The following EYS variants were observed in gnomAD, a reference collection of about 807,000 sequenced individuals.
EYS encodes protein eyes shut homolog.
EYS carries 250 observed loss-of-function variants against 282.1 expected under a neutral mutation model. The ratio of observed to expected loss-of-function variants is 0.89; its 90% CI spans 0.80 to 0.98. EYS has a LOEUF of 0.98. Ranked by LOEUF, EYS falls within the 50% of genes least tolerant of loss-of-function variation. EYS has a pLI of 0.00. For synonymous variants in EYS, 1,355 were observed against 1,282.9 expected (o/e 1.06, Z -1.20); for missense variants, 4,016 against 3,709.0 (o/e 1.08, Z -2.15).
chr6:64,552,825 A>G (rs1200110842), intron 26 of EYS, among the ~76,000 whole-genome samples: 4 of 151,084 alleles, frequency 2.6e-5, no homozygotes, highest in African/African-American at 9.7e-5. Context: ...AGGCTGAGAC[A>G]GGAACATCAC....
At chr6:64,498,473 T>A (rs1013597485) in intron 26 of EYS, among the ~76,000 whole-genome samples, 9 of 151,678 alleles carry the variant, frequency 5.9e-5, no homozygotes, top group Non-Finnish European at 1.3e-4. Flanking sequence ...TTTTTTTTTT[T>A]AATTTAAGTT....
chr6:64,312,444 T>G (rs980326541), intron 29 of EYS, among the ~76,000 whole-genome samples: 5 of 152,040 alleles, frequency 3.3e-5, no homozygotes, highest in Admixed American at 3.3e-4. Context: ...AGGGTGGCTG[T>G]GGGGGCAGCT....
At chr6:64,986,985 T>C (rs1433328788) in intron 14 of EYS, among the ~76,000 whole-genome samples, 8 of 151,586 alleles carry the variant, frequency 5.3e-5, no homozygotes, top group Non-Finnish European at 1.0e-4. Flanking sequence ...ACCTTTCTGA[T>C]GGTAAAAGTG....
chr6:65,293,060 C>T (rs1768570365), intron 12 of EYS, among the ~76,000 whole-genome samples: 1 of 151,558 alleles, frequency 6.6e-6, no homozygotes, highest in Non-Finnish European at 1.5e-5. Context: ...TTGATATTGT[C>T]TAAGAACTTG....
intron 12 of EYS, among the ~76,000 whole-genome samples, chr6:65,294,209 G>T (rs1031441926): frequency 6.6e-6 from 1 of 151,938 alleles, no homozygotes; most frequent in Non-Finnish European, 1.5e-5. Context: ...GCCCCCAAAA[G>T]ATTCCACTTT....
chr6:64,175,922 A>T (rs879766868), intron 31 of EYS, among the ~76,000 whole-genome samples: 4 of 152,174 alleles, frequency 2.6e-5, no homozygotes, highest in Non-Finnish European at 4.4e-5. Flanking sequence ...TAAGACAATA[A>T]AGAAAAACAT....
At chr6:65,573,443 C>A (rs1311170410) in intron 2 of EYS, among the ~76,000 whole-genome samples, 1 of 152,152 alleles carries the variant, frequency 6.6e-6, no homozygotes, top group Non-Finnish European at 1.5e-5. Flanking sequence ...GGCTGAGGAA[C>A]CCAGAGAGGG....
intron 13 of EYS, among the ~76,000 whole-genome samples, chr6:65,016,248 T>A (rs1487462444): frequency 1.3e-5 from 2 of 151,980 alleles, no homozygotes; most frequent in Non-Finnish European, 2.9e-5. Flanking sequence ...GAAATTTGCA[T>A]CAAACTAGTA....
intron 37 of EYS, among the ~76,000 whole-genome samples, chr6:63,800,479 G>T (rs750385891): frequency 6.6e-6 from 1 of 152,150 alleles, no homozygotes; most frequent in Non-Finnish European, 1.5e-5. Context: ...TGTTACCAAT[G>T]AACTGCAGTG....
At chr6:65,371,259 T>C (rs773672797) in intron 8 of EYS, among the ~76,000 whole-genome samples, 2 of 151,780 alleles carry the variant, frequency 1.3e-5, no homozygotes, top group Non-Finnish European at 2.9e-5. Flanking sequence ...ATAGATAATG[T>C]AAAGTATATG....
chr6:64,804,707 G>T (rs1764370324), intron 22 of EYS, among the ~76,000 whole-genome samples: 1 of 151,992 alleles, frequency 6.6e-6, no homozygotes, highest in South Asian at 2.1e-4. Flanking sequence ...TTAAACCGTA[G>T]AAAATTATTT....
intron 29 of EYS, among the ~76,000 whole-genome samples, chr6:64,343,605 A>G (rs4621616): frequency 0.031 from 4,736 of 152,022 alleles, 235 homozygotes; most frequent in African/African-American, 0.11. Flanking sequence ...AGAGAAAGCA[A>G]GAAAGATCTA....
intron 22 of EYS, among the ~76,000 whole-genome samples, chr6:64,794,250 C>T (rs923094557): frequency 6.6e-6 from 1 of 152,276 alleles, no homozygotes; most frequent in Non-Finnish European, 1.5e-5. Flanking sequence ...ATGTCCATTG[C>T]AGCATTATTC....
intron 30 of EYS, among the ~76,000 whole-genome samples, chr6:64,280,040 C>A (rs1344416588): frequency 6.6e-6 from 1 of 152,112 alleles, no homozygotes; most frequent in Non-Finnish European, 1.5e-5. Flanking sequence ...TCAATTGTTG[C>A]CCATTATGTC....
At position 64,822,821 on chromosome 6, in the gene EYS, G is replaced by A; in HGVS notation, c.2994C>T (p.Gly998=). 6.5e-7 allele frequency: 1 copy of A among 1,547,636 alleles called. No individual in the cohort carries two copies. The highest frequency in any genetic ancestry group is 2.5e-5 in the East Asian group (1 of 40,752). Residue 998 remains glycine (G), a splice_region_variant and synonymous_variant, in exon 20 of 43, where the codon GGC becomes GGT. Coordinates refer to ENST00000503581, the MANE Select transcript of EYS (RefSeq NM_001142800.2). ...YNCLCAPGYT[G]INCEINLDEC... Reference sequence around the variant, plus strand: ...CATCTAGATTTATTTCACAGTTGATGCCTGTGTTGGAACAGACAAGGCAAA... The same window carrying A: ...CATCTAGATTTATTTCACAGTTGATACCTGTGTTGGAACAGACAAGGCAAA...
At chr6:63,761,280 A>G (rs539630473) in intron 41 of EYS, among the ~76,000 whole-genome samples, 4 of 151,730 alleles carry the variant, frequency 2.6e-5, no homozygotes, top group East Asian at 3.9e-4. Flanking sequence ...AAGAAACACA[A>G]TTTCTTAAAG....
At chr6:65,335,967 C>A (rs1769973144) in intron 10 of EYS, among the ~76,000 whole-genome samples, 1 of 151,608 alleles carries the variant, frequency 6.6e-6, no homozygotes, top group Admixed American at 6.6e-5. Context: ...TGAGTGAGTT[C>A]TCCTGAGATC....
intron 12 of EYS, among the ~76,000 whole-genome samples, chr6:65,147,358 T>C (rs1216213185): frequency 6.6e-6 from 1 of 152,072 alleles, no homozygotes; most frequent in African/African-American, 2.4e-5. Flanking sequence ...TTTTTATATT[T>C]ATCATTTCAC....
At chr6:64,487,489 T>C (rs1019429216) in intron 26 of EYS, among the ~76,000 whole-genome samples, 3 of 151,132 alleles carry the variant, frequency 2.0e-5, no homozygotes, top group African/African-American at 7.3e-5. Flanking sequence ...TGGGAATTAA[T>C]ATCCATTTAA....
Sources: gnomAD v4.1 joint callset for allele counts (sites outside exome capture counted in the v4.1 genomes callset) on GRCh38, gnomAD v4.1.1 for gene constraint, MANE v1.5 for transcripts, NCBI Gene and HGNC (gene_info 2026-07-23, HGNC 2026-07-21) for gene names.